DDAH1: variants seen among roughly 807,000 people sequenced by gnomAD.
DDAH1 encodes N(G),N(G)-dimethylarginine dimethylaminohydrolase 1.
In DDAH1, 19 loss-of-function variants were observed where a neutral mutation model predicts 28.8. The ratio of observed to expected loss-of-function variants is 0.66; its 90% CI spans 0.46 to 0.97. The LOEUF (loss-of-function observed/expected upper bound fraction) is 0.97. DDAH1 is among the 50% of genes least tolerant of loss of function. DDAH1 has a pLI of 0.00. For missense variants in DDAH1, 326 were observed against 375.9 expected, an observed-to-expected ratio of 0.87 and a Z score of 1.10; for synonymous variants, 153 against 154.4, an observed-to-expected ratio of 0.99 and a Z score of 0.07.
intron 1 of DDAH1, among the ~76,000 whole-genome samples, chr1:85,373,675 A>G (rs1319289543): frequency 6.6e-6 from 1 of 152,128 alleles, no homozygotes; most frequent in East Asian, 1.9e-4. Context: ...TTTCCTGTAT[A>G]AATTACCCAG....
In DDAH1 at chr1:85,340,032, T is replaced by C. The variant is rs1259516898; in HGVS notation, c.597+10383A>G. Among the ~76,000 whole-genome samples the C allele has an allele frequency of 2.0e-5, 3 of 152,296 alleles. No homozygotes were observed. The East Asian group carries it at 5.8e-4, about 29-fold the overall frequency. Reference sequence around the variant, plus strand: ...ATAAACAATCTAACACTGCTAGAGATGGAAGGCATGCAAATGTTTTTAAGA... The same window carrying C: ...ATAAACAATCTAACACTGCTAGAGACGGAAGGCATGCAAATGTTTTTAAGA... On this transcript the variant is annotated intron_variant, in intron 4 of 5. Transcript: ENST00000284031.
intron 1 of DDAH1, among the ~76,000 whole-genome samples, chr1:85,564,603 C>T (rs943572153): frequency 5.3e-5 from 8 of 152,216 alleles, no homozygotes; most frequent in Non-Finnish European, 1.0e-4. Context: ...TGCAGTGGTT[C>T]ATGCCTGTAA....
chr1:85,374,104 G>A (rs1348468328), intron 1 of DDAH1, among the ~76,000 whole-genome samples: 1 of 152,054 alleles, frequency 6.6e-6, no homozygotes, highest in Admixed American at 6.6e-5. Flanking sequence ...AAATACTAAC[G>A]TGACTCTAGA....
rs114212041 is a variant in DDAH1, at chr1:85,477,154, G to A, written c.-7+19012C>T. On this transcript the variant is annotated intron_variant, in intron 2 of 6. Transcript: ENST00000426972. ...TGGAGAGAAATTACCAAACTGAGCC[G>A]AGCATATGAGCAAAGACACAAGGTG... 6.4e-3 allele frequency among the ~76,000 whole-genome samples: 968 copies of A among 152,278 alleles called. 7 individuals carry two copies. The highest frequency in any genetic ancestry group is 0.011 in the Admixed American group (166 of 15,294).
At chr1:85,389,045 T>C (rs932171602) in intron 1 of DDAH1, among the ~76,000 whole-genome samples, 1 of 151,952 alleles carries the variant, frequency 6.6e-6, no homozygotes, top group African/African-American at 2.4e-5. Context: ...AAATGATCAT[T>C]AACAGTTGTT....
At chr1:85,523,676 A>G (rs1477661094) in intron 1 of DDAH1, among the ~76,000 whole-genome samples, 1 of 152,144 alleles carries the variant, frequency 6.6e-6, no homozygotes, top group African/African-American at 2.4e-5. Context: ...TGTGTGAAAG[A>G]GCACAGAACA....
chr1:85,416,144 G>GA (rs530603090), intron 1 of DDAH1, among the ~76,000 whole-genome samples: 1 of 152,098 alleles, frequency 6.6e-6, no homozygotes, highest in Non-Finnish European at 1.5e-5. Context: ...TTCGAGGTAT[G>GA]AAAAAAGAAT....
At chr1:85,371,175 T>G (rs909808102) in intron 1 of DDAH1, among the ~76,000 whole-genome samples, 3 of 152,234 alleles carry the variant, frequency 2.0e-5, no homozygotes, top group Non-Finnish European at 4.4e-5. Flanking sequence ...ACATTCATTA[T>G]GATTGCACCA....
intron 2 of DDAH1, chr1:85,482,599 C>T (rs1009436777): frequency 1.9e-4 from 29 of 152,154 alleles, no homozygotes; most frequent in African/African-American, 6.8e-4. Flanking sequence ...ATCCCAGACC[C>T]AATAAATGAG....
At chr1:85,578,018 C>A in exon 1 of DDAH1, 1 of 985,452 alleles carries the variant, frequency 1.0e-6, no homozygotes, top group Non-Finnish European at 1.2e-6. Context: ...TCCTGTCCGT[C>A]AACTTGGACT....
chr1:85,415,022 T>TC (rs1175845911), intron 1 of DDAH1, among the ~76,000 whole-genome samples: 7 of 135,644 alleles, frequency 5.2e-5, no homozygotes, highest in Non-Finnish European at 1.1e-4. Flanking sequence ...TTTTTTTTTT[T>TC]TTTTTTTTTT....
chr1:85,417,661 C>T (rs1240351754), intron 1 of DDAH1, among the ~76,000 whole-genome samples: 5 of 152,162 alleles, frequency 3.3e-5, no homozygotes, highest in Non-Finnish European at 7.3e-5. Context: ...ATACATATAA[C>T]TCTCCTTGTA....
rs12562882 is a variant in DDAH1 at position 85,409,366 on chromosome 1, G to A, written c.304-50519C>T. Among the ~76,000 whole-genome samples the A allele has an allele frequency of 5.5e-4, 83 of 152,264 alleles. No homozygotes were observed. In the East Asian group the frequency reaches 0.015, roughly 27 times the overall value. On this transcript the variant is annotated intron_variant, in intron 1 of 5. Transcript: ENST00000284031. The stretch of plus-strand genomic sequence containing the variant: ...GAGATATTCCCAAAGAGAAAGATCT[G>A]ATCATGTCACTGCCCAAATGAAACA...
chr1:85,499,002 A>G (rs1435315266), intron 1 of DDAH1, among the ~76,000 whole-genome samples: 1 of 152,132 alleles, frequency 6.6e-6, no homozygotes, highest in Non-Finnish European at 1.5e-5. Flanking sequence ...CAGCAACAAC[A>G]GGAGACAAAA....
intron 1 of DDAH1, among the ~76,000 whole-genome samples, chr1:85,417,322 G>A (rs1570513371): frequency 7.9e-6 from 1 of 127,062 alleles, no homozygotes; most frequent in African/African-American, 2.9e-5. Context: ...ACAGCGGGGA[G>A]GGAAGTCAGG....
upstream of DDAH1, chr1:85,465,229 GCCGGCCCGCGCGCATCCCGCGCGCCCACT>G (rs1655324331): frequency 9.0e-7 from 1 of 1,105,704 alleles, no homozygotes; most frequent in African/African-American, 1.7e-5. Context: ...AGCTCCGGGC[GCCGGCCCGCGCGCATCCCGCGCGCCCACT>G]CCGGCGCTCG....
Position 85,392,807 on chromosome 1 carries a change from A to G in DDAH1, c.304-33960T>C, listed in dbSNP as rs866175718. Among the ~76,000 whole-genome samples, 1,119 of 151,198 alleles carry G rather than the reference A, an allele frequency of 7.4e-3. 22 individuals carry two copies. The highest frequency in any genetic ancestry group is 0.017 in the African/African-American group (697 of 41,244). ...ACTCTGTCTAAAAAAAAAAAAAAAA[A>G]AAAAAAAAAAGAAAGAAAATGAACC... On this transcript the variant is annotated intron_variant, in intron 1 of 5. Coordinates refer to ENST00000284031, the MANE Select transcript of DDAH1 (RefSeq NM_012137.4).
At chr1:85,443,857 T>C (rs1654315546) in intron 1 of DDAH1, among the ~76,000 whole-genome samples, 1 of 152,228 alleles carries the variant, frequency 6.6e-6, no homozygotes, top group Admixed American at 6.5e-5. Context: ...TTTTTGCACA[T>C]TGATTTTGTA....
chr1:85,381,083 C>T (rs1280069495), intron 1 of DDAH1, among the ~76,000 whole-genome samples: 1 of 150,278 alleles, frequency 6.7e-6, no homozygotes, highest in Non-Finnish European at 1.5e-5. Flanking sequence ...CTAAAAAATA[C>T]AAAAATTAGC....
Sources: gnomAD v4.1 joint callset for allele counts (sites outside exome capture counted in the v4.1 genomes callset) on GRCh38, gnomAD v4.1.1 for gene constraint, MANE v1.5 for transcripts, NCBI Gene and HGNC (gene_info 2026-07-23, HGNC 2026-07-21) for gene names.